Variants in DPP10 observed in about 807,000 individuals in gnomAD.
The protein encoded by DPP10 is inactive dipeptidyl peptidase 10.
DPP10 carries 33 observed loss-of-function variants against 120.9 expected under a neutral mutation model. The observed-to-expected ratio is 0.27, with a 90% CI of 0.21 to 0.37. The LOEUF (loss-of-function observed/expected upper bound fraction) is 0.37, where lower values mean the gene tolerates loss of function less well. Ranked by LOEUF, DPP10 falls within the 10% of genes least tolerant of loss-of-function variation. The pLI, the probability that DPP10 is intolerant of heterozygous loss-of-function variation, is 1.00. For missense variants in DPP10, 816 were observed against 942.8 expected, an observed-to-expected ratio of 0.87 and a Z score of 1.76; for synonymous variants, 337 against 326.1, an observed-to-expected ratio of 1.03 and a Z score of -0.36.
At chr2:115,052,053 A>G (rs1024699650) in intron 1 of DPP10, among the ~76,000 whole-genome samples, 4 of 152,210 alleles carry the variant, frequency 2.6e-5, no homozygotes, top group African/African-American at 7.2e-5. Flanking sequence ...GATTTCAACC[A>G]AAGTGCTGAG....
intron 1 of DPP10, among the ~76,000 whole-genome samples, chr2:115,132,847 G>A (rs1573731181): frequency 6.6e-6 from 1 of 151,978 alleles, no homozygotes; most frequent in Non-Finnish European, 1.5e-5. Context: ...ATTCATATAT[G>A]AAAAACTCCT....
chr2:115,723,463 T>C (rs2092692898), intron 7 of DPP10, among the ~76,000 whole-genome samples: 2 of 152,292 alleles, frequency 1.3e-5, no homozygotes, highest in African/African-American at 2.4e-5. Flanking sequence ...TGTGGATGAA[T>C]AGTAATCCAT....
intron 5 of DPP10, among the ~76,000 whole-genome samples, chr2:115,589,051 A>G (rs568325636): frequency 2.6e-5 from 4 of 152,304 alleles, no homozygotes; most frequent in Admixed American, 2.0e-4. Context: ...TAAAAATGAC[A>G]TAGGCATTCA....
chr2:114,756,636 C>T (rs1679773804), intron 1 of DPP10, among the ~76,000 whole-genome samples: 1 of 152,180 alleles, frequency 6.6e-6, no homozygotes, highest in South Asian at 2.1e-4. Flanking sequence ...ACAAATGACA[C>T]AGTCTCTGTA....
At chr2:115,692,512 A>G (rs2091372884) in intron 7 of DPP10, among the ~76,000 whole-genome samples, 1 of 152,054 alleles carries the variant, frequency 6.6e-6, no homozygotes, top group South Asian at 2.1e-4. Context: ...ACATCTTTCT[A>G]TTGAATTCAA....
chr2:115,463,145 C>T (rs2074096776), intron 3 of DPP10, among the ~76,000 whole-genome samples: 1 of 152,132 alleles, frequency 6.6e-6, no homozygotes, highest in African/African-American at 2.4e-5. Context: ...TACTCATATT[C>T]CTCTGAGGGA....
intron 1 of DPP10, among the ~76,000 whole-genome samples, chr2:115,041,006 C>T (rs1176190386): frequency 6.6e-6 from 1 of 151,812 alleles, no homozygotes; most frequent in African/African-American, 2.4e-5. Flanking sequence ...GTCATCCCAG[C>T]TACTCAGGAG....
chr2:114,746,944 C>T (rs756789982), intron 1 of DPP10, among the ~76,000 whole-genome samples: 20 of 152,210 alleles, frequency 1.3e-4, no homozygotes, highest in South Asian at 6.2e-4. Context: ...CAGGTTGAAA[C>T]ATAAAAGAGA....
chr2:115,223,444 A>G (rs1394291069), intron 1 of DPP10, among the ~76,000 whole-genome samples: 2 of 152,130 alleles, frequency 1.3e-5, no homozygotes, highest in Non-Finnish European at 2.9e-5. Flanking sequence ...CTAAGAATGG[A>G]TTAACTAGTA....
chr2:115,109,080 G>T (rs986948305), intron 1 of DPP10, among the ~76,000 whole-genome samples: 2 of 152,178 alleles, frequency 1.3e-5, no homozygotes, highest in African/African-American at 2.4e-5. Context: ...GATTTGGCGT[G>T]TGTGTGTCTG....
chr2:115,619,694 G>T (rs2084803173), intron 5 of DPP10, among the ~76,000 whole-genome samples: 1 of 152,108 alleles, frequency 6.6e-6, no homozygotes, highest in African/African-American at 2.4e-5. Flanking sequence ...GCATAGAACT[G>T]CCCTTCTCAG....
At chr2:115,000,440 T>C (rs1281191325) in intron 1 of DPP10, among the ~76,000 whole-genome samples, 1 of 152,174 alleles carries the variant, frequency 6.6e-6, no homozygotes, top group African/African-American at 2.4e-5. Context: ...TGTTCTGTAA[T>C]GTGGAAATGA....
At chr2:115,637,082 C>CA (rs2086397766) in intron 5 of DPP10, among the ~76,000 whole-genome samples, 1 of 151,102 alleles carries the variant, frequency 6.6e-6, no homozygotes, top group African/African-American at 2.4e-5. Flanking sequence ...TGGGATAAGC[C>CA]AAAAACAAAT....
chr2:115,222,369 A>G (rs1340627288), intron 1 of DPP10, among the ~76,000 whole-genome samples: 4 of 152,088 alleles, frequency 2.6e-5, no homozygotes, highest in Non-Finnish European at 5.9e-5. Context: ...CCCACATTTC[A>G]TCTTGAATTC....
intron 1 of DPP10, among the ~76,000 whole-genome samples, chr2:114,947,270 T>C (rs1341514657): frequency 6.6e-6 from 1 of 152,096 alleles, no homozygotes; most frequent in Non-Finnish European, 1.5e-5. Flanking sequence ...CAAAATATAA[T>C]GTCCACTTTG....
chr2:114,976,457 G>T (rs1450518533), intron 1 of DPP10, among the ~76,000 whole-genome samples: 2 of 152,142 alleles, frequency 1.3e-5, no homozygotes, highest in Admixed American at 6.6e-5. Context: ...AAAAATGTGA[G>T]TGCAATATTC....
At chr2:114,725,244 C>T (rs769713054) in intron 1 of DPP10, among the ~76,000 whole-genome samples, 2 of 152,140 alleles carry the variant, frequency 1.3e-5, no homozygotes, top group Non-Finnish European at 2.9e-5. Flanking sequence ...TTTAGGTGGA[C>T]ATAAGTCATT....
At chr2:115,262,665 C>CTT (rs780995193) in intron 1 of DPP10, among the ~76,000 whole-genome samples, 8 of 151,950 alleles carry the variant, frequency 5.3e-5, no homozygotes, top group Non-Finnish European at 8.8e-5. Flanking sequence ...ATAAGGTAAC[C>CTT]TTTATATTCA....
At chr2:115,380,123 C>T (rs978055898) in intron 3 of DPP10, among the ~76,000 whole-genome samples, 10 of 152,040 alleles carry the variant, frequency 6.6e-5, no homozygotes, top group African/African-American at 1.7e-4. Context: ...CTTTCTGTCT[C>T]GTTGATCTGT....
Sources: allele counts gnomAD v4.1 joint callset (sites outside exome capture counted in the v4.1 genomes callset), GRCh38; gene constraint gnomAD v4.1.1; transcripts MANE v1.5; gene names NCBI Gene and HGNC (gene_info 2026-07-23, HGNC 2026-07-21).